The following ITGA2 variants were observed in gnomAD, a reference collection of about 807,000 sequenced individuals.
ITGA2 encodes integrin alpha-2.
A neutral mutation model predicts 146.3 loss-of-function variants in ITGA2; 101 were observed. The ratio of observed to expected loss-of-function variants is 0.69; its 90% CI spans 0.59 to 0.81. ITGA2 has a LOEUF of 0.81. Ranked by LOEUF, ITGA2 falls within the 40% of genes least tolerant of loss-of-function variation. ITGA2 has a pLI of 0.00. For missense variants in ITGA2, 1,281 were observed against 1,402.7 expected (o/e 0.91, Z 1.39); for synonymous variants, 477 against 487.1 (o/e 0.98, Z 0.27).
chr5:53,082,779 T>C lies in ITGA2; in HGVS notation c.3145-561T>C, dbSNP rs145693161. 5.5e-3 allele frequency among the ~76,000 whole-genome samples: 837 copies of C among 152,316 alleles called. 7 individuals carry two copies. The highest frequency in any genetic ancestry group is 0.018 in the African/African-American group (739 of 41,574). Reference sequence around the variant, plus strand: ...GTAAAATGACATGTATCCACCACTATAGTATCATACAGTGTATATTCACTG... The same window carrying C: ...GTAAAATGACATGTATCCACCACTACAGTATCATACAGTGTATATTCACTG... On this transcript the variant is annotated intron_variant, in intron 26 of 29. Coordinates refer to ENST00000296585, the MANE Select transcript of ITGA2 (RefSeq NM_002203.4).
rs186777139 is a variant in ITGA2, at chr5:53,091,087, C to A, written c.*488C>A. 7.1e-5 allele frequency: 16 copies of A among 225,484 alleles called. No homozygotes were observed. Among genetic ancestry groups the A allele is most frequent in the African/African-American group, 3.2e-4 (14 of 43,554 alleles). 14.0% of individuals were successfully genotyped at this position (225,484 alleles called of 1,614,324 possible). ...TATTGATGTTAACAAGAGGGGAAAA[C>A]AAAACACAGGTTTTTTCAATTTATG... On this transcript the variant is annotated 3_prime_UTR_variant, in exon 30 of 30. Coordinates refer to ENST00000296585, the MANE Select transcript of ITGA2 (RefSeq NM_002203.4).
chr5:53,056,249 T>C, intron 9 of ITGA2, 100 bp downstream of exon 9: 1 of 995,686 alleles, frequency 1.0e-6, no homozygotes, highest in Non-Finnish European at 1.5e-6. Context: ...GTATACCATG[T>C]ATAAAAAGAG....
At chr5:53,018,338 A>G (rs1213444587) in intron 1 of ITGA2, among the ~76,000 whole-genome samples, 1 of 152,084 alleles carries the variant, frequency 6.6e-6, no homozygotes. Flanking sequence ...GTGTCAGCTC[A>G]GGTGTCCGTG....
chr5:53,002,033 T>TA (rs1413099527), intron 1 of ITGA2, among the ~76,000 whole-genome samples: 1 of 152,144 alleles, frequency 6.6e-6, no homozygotes, highest in African/African-American at 2.4e-5. Context: ...AGTAGTGTTT[T>TA]AGAGTCCCCT....
intron 1 of ITGA2, among the ~76,000 whole-genome samples, chr5:53,012,534 C>T (rs1198621617): frequency 6.6e-6 from 1 of 152,104 alleles, no homozygotes; most frequent in Admixed American, 6.5e-5. Flanking sequence ...CATGTCTTTG[C>T]TATTGTGAAT....
At chr5:53,034,192 C>G (rs953253699) in intron 2 of ITGA2, among the ~76,000 whole-genome samples, 2 of 152,014 alleles carry the variant, frequency 1.3e-5, no homozygotes, top group Admixed American at 1.3e-4. Context: ...TATATTCTTA[C>G]ACTTTTATTT....
intron 1 of ITGA2, among the ~76,000 whole-genome samples, chr5:53,008,922 T>C (rs1375076052): frequency 6.6e-6 from 1 of 152,132 alleles, no homozygotes; most frequent in East Asian, 1.9e-4. Flanking sequence ...AGAAGGACTT[T>C]ATTACTCACA....
At position 53,070,152 on chromosome 5, in the gene ITGA2, C is replaced by G. The variant is rs765160479; in HGVS notation, c.2127C>G (p.Ser709=). The G allele has an allele frequency of 6.2e-7, 1 of 1,611,286 alleles. No homozygotes were observed. Among genetic ancestry groups the G allele is most frequent in the Non-Finnish European group, 8.5e-7 (1 of 1,178,208 alleles). ...CACTTGATGCAGATGGATTTTCATCCAGAGTAACCTCCAGGGGGTTATTTA... is the reference window on the plus strand; with the variant it reads ...CACTTGATGCAGATGGATTTTCATCGAGAGTAACCTCCAGGGGGTTATTTA... ...NITLDADGFS[S]RVTSRGLFKE... Residue 709 remains serine (S), a synonymous_variant, in exon 17 of 30, where the codon TCC becomes TCG. Coordinates refer to ENST00000296585, the MANE Select transcript of ITGA2 (RefSeq NM_002203.4).
chr5:52,994,074 A>G (rs577579257), intron 1 of ITGA2, among the ~76,000 whole-genome samples: 25 of 152,330 alleles, frequency 1.6e-4, no homozygotes, highest in Middle Eastern at 3.4e-3. Context: ...AGTGATTCCT[A>G]TGCCCCTTCA....
At position 53,045,092 on chromosome 5, in the gene ITGA2, CGTGA is replaced by C; in HGVS notation, c.387+4_387+7del. The C allele has an allele frequency of 1.2e-6, 2 of 1,609,078 alleles. No homozygotes were observed. The highest frequency in any genetic ancestry group is 1.7e-6 in the Non-Finnish European group (2 of 1,175,518). On this transcript the variant is annotated splice_donor_variant and splice_donor_region_variant and intron_variant, in intron 4 of 29. Transcript: ENST00000296585. LOFTEE classifies it high-confidence loss of function. ...GGAACATGGGAACTGGAGGTTTTCT[CGTGA>C]GTGTTTACTTTACAAATCATTATTC...
In ITGA2 at chr5:53,090,598, G is replaced by A; in HGVS notation, c.3545G>A (p.Ter1182=). The change falls in exon 30 of 30, where the codon TGA becomes TAA. Residue 1182 remains the stop codon, a stop_retained_variant. Coordinates refer to ENST00000296585, the MANE Select transcript of ITGA2 (RefSeq NM_002203.4). Reference sequence around the variant, plus strand: ...GATGAGACCACAGAGCTCAGTAGCTGAACCAGCAGACCTACCTGCAGTGGG... The same window carrying A: ...GATGAGACCACAGAGCTCAGTAGCTAAACCAGCAGACCTACCTGCAGTGGG... ...EIDETTELSS[*] is the part of the protein sequence containing the mutation. 6.2e-7 allele frequency: 1 copy of A among 1,613,322 alleles called. No individual in the cohort carries two copies. Among genetic ancestry groups the A allele is most frequent in the Non-Finnish European group, 8.5e-7 (1 of 1,179,284 alleles).
intron 13 of ITGA2, among the ~76,000 whole-genome samples, chr5:53,063,287 TA>T (rs967637199): frequency 6.6e-6 from 1 of 151,844 alleles, no homozygotes; most frequent in African/African-American, 2.4e-5. Flanking sequence ...AAGACAACAA[TA>T]ACAGGGCAAT....
intron 5 of ITGA2, 45 bp from the exon 6 acceptor site, chr5:53,048,598 T>C: frequency 6.2e-7 from 1 of 1,613,908 alleles, no homozygotes; most frequent in Non-Finnish European, 8.5e-7. Flanking sequence ...CTGTGAAATA[T>C]GACTTACCTG....
intron 6 of ITGA2, among the ~76,000 whole-genome samples, chr5:53,049,591 A>G (rs924168223): frequency 3.3e-5 from 5 of 152,146 alleles, no homozygotes; most frequent in African/African-American, 7.2e-5. Flanking sequence ...ATAATTTTAT[A>G]TAGTTCTTTA....
intron 8 of ITGA2, 91 bp downstream of exon 8, chr5:53,055,779 T>G: frequency 6.9e-7 from 1 of 1,450,880 alleles, no homozygotes. Context: ...TCCCATTGGC[T>G]GTTCATAGTT....
At position 52,989,434 on chromosome 5, in the gene ITGA2, C is replaced by T. The variant is rs768692399; in HGVS notation, c.-35C>T. ...GGTATCCTCTGCAAACCTCTGCAAA[C>T]CCAGCGCAACTACGGTCCCCCGGTC... On this transcript the variant is annotated 5_prime_UTR_variant, in exon 1 of 30. Coordinates refer to ENST00000296585, the MANE Select transcript of ITGA2 (RefSeq NM_002203.4). The T allele has an allele frequency of 5.0e-6, 8 of 1,612,456 alleles. No homozygotes were observed. The highest frequency in any genetic ancestry group is 6.8e-6 in the Non-Finnish European group (8 of 1,178,560).
At chr5:53,065,186 G>A (rs1561137153) in intron 14 of ITGA2, 71 bp downstream of exon 14, 14 of 1,433,324 alleles carry the variant, frequency 9.8e-6, no homozygotes, top group African/African-American at 1.4e-5. Flanking sequence ...AAAGCGTCAT[G>A]TAAACCATGC....
At chr5:53,078,033 C>G (rs1021790162) in intron 23 of ITGA2, among the ~76,000 whole-genome samples, 3 of 152,008 alleles carry the variant, frequency 2.0e-5, no homozygotes, top group Non-Finnish European at 4.4e-5. Flanking sequence ...GAGGGGAGGT[C>G]CCCAGTTTCA....
rs1740430069 is a variant in ITGA2, at chr5:53,091,711, A to T, written c.*1112A>T. 5 of 152,212 alleles carry T rather than the reference A, an allele frequency of 3.3e-5. No individual in the cohort carries two copies. The highest frequency in any genetic ancestry group is 3.3e-4 in the Admixed American group (5 of 15,282). 9.4% of individuals were successfully genotyped at this position (152,212 alleles called of 1,614,324 possible). A position where few individuals can be genotyped will look rare whatever the true frequency, so the allele number is the denominator to read the frequency against. ...GGGGGGAAAGTCATCTGTTTAATTT[A>T]CACACTTGCATGAATTACTGTATAT... On this transcript the variant is annotated 3_prime_UTR_variant, in exon 30 of 30. Transcript: ENST00000296585.
Sources: allele counts gnomAD v4.1 joint callset (sites outside exome capture counted in the v4.1 genomes callset), GRCh38; gene constraint gnomAD v4.1.1; transcripts MANE v1.5; gene names NCBI Gene and HGNC (gene_info 2026-07-23, HGNC 2026-07-21).